Variants in PRPF8 observed in about 807,000 individuals in gnomAD.
PRPF8 encodes the protein pre-mRNA-processing-splicing factor 8.
PRPF8 carries 64 observed loss-of-function variants against 285.9 expected under a neutral mutation model. The observed-to-expected ratio is 0.22, with a 90% CI of 0.18 to 0.28. The LOEUF (loss-of-function observed/expected upper bound fraction) is 0.28, where lower values mean the gene tolerates loss of function less well. Among genes scored for constraint, PRPF8 ranks in the 10% least tolerant of loss-of-function variants. The pLI is 1.00. For missense variants in PRPF8, 1,426 were observed against 3,026.7 expected, an observed-to-expected ratio of 0.47 and a Z score of 12.41; for synonymous variants, 1,325 against 1,118.2, an observed-to-expected ratio of 1.18 and a Z score of -3.69.
At position 1,650,635 on chromosome 17, in the gene PRPF8, T is replaced by C. The variant is rs753906300; in HGVS notation, c.*167A>G. 9.0e-6 allele frequency: 7 copies of C among 779,356 alleles called. No homozygotes were observed. The highest frequency in any genetic ancestry group is 7.5e-4 in the Middle Eastern group (2 of 2,676). 48.3% of individuals were successfully genotyped at this position (779,356 alleles called of 1,614,324 possible). On this transcript the variant is annotated 3_prime_UTR_variant, in exon 43 of 43. Coordinates refer to ENST00000304992, the MANE Select transcript of PRPF8 (RefSeq NM_006445.4). The stretch of plus-strand genomic sequence containing the variant: ...AACAAACCAGCCCCTGAACTCCTAT[T>C]TATACAAAATTTATTATTATATTTT...
rs1257907080 is a variant in PRPF8, at chr17:1,659,065, G to A, written c.5138+292C>T. ...CTTTGAGATGGAGTCTCACTCTGTC[G>A]CCCAGGCTGGAGTGCAGTGGCGCAA... On this transcript the variant is annotated intron_variant, in intron 32 of 42. Transcript: ENST00000304992. This position sits in a 1 kb window ranked among gnomAD's most constrained non-coding sequence, Gnocchi z 5.1. The A allele has an allele frequency of 1.4e-5, 8 of 552,906 alleles. No homozygotes were observed. The highest frequency in any genetic ancestry group is 7.2e-5 in the South Asian group (3 of 41,830). The allele number at this position is 552,906 out of a possible 1,614,324, so 34.3% of individuals were successfully genotyped here.
At chr17:1,655,276 G>A (rs1911304227) in intron 37 of PRPF8, 74 bp downstream of exon 37, 3 of 1,557,412 alleles carry the variant, frequency 1.9e-6, no homozygotes, top group Non-Finnish European at 8.8e-7. Flanking sequence ...AAACTTCTAA[G>A]CCTAAGTGCT....
chr17:1,677,289 C>T (rs958192876), intron 14 of PRPF8, 117 bp from the exon 15 acceptor site: 5 of 1,128,412 alleles, frequency 4.4e-6, no homozygotes, highest in African/African-American at 3.0e-5. Flanking sequence ...ATTAACAAAG[C>T]GTCCCTGTGC....
rs779013234 is a variant in PRPF8 at position 1,658,867 on chromosome 17, G to A, written c.5139-104C>T. On this transcript the variant is annotated intron_variant, in intron 32 of 42. Transcript: ENST00000304992. This position sits in a 1 kb window ranked among gnomAD's most constrained non-coding sequence, Gnocchi z 4.1. ...AGGAAGAAAGACTGTTCGCCAGGCTGACAACACTCTGCTCATGTGTACATA... is the reference window on the plus strand; with the variant it reads ...AGGAAGAAAGACTGTTCGCCAGGCTAACAACACTCTGCTCATGTGTACATA... The A allele has an allele frequency of 8.1e-6, 8 of 990,342 alleles. No individual in the cohort carries two copies. Among genetic ancestry groups the A allele is most frequent in the Non-Finnish European group, 4.8e-6 (3 of 624,270 alleles). The allele number at this position is 990,342 out of a possible 1,614,324, so 61.3% of individuals were successfully genotyped here. A position where few individuals can be genotyped will look rare whatever the true frequency, so the allele number is the denominator to read the frequency against.
intron 1 of PRPF8, 83 bp from the exon 2 acceptor site, chr17:1,684,665 C>T (rs1273862152): frequency 7.8e-7 from 1 of 1,282,760 alleles, no homozygotes; most frequent in East Asian, 2.5e-5. Flanking sequence ...CCGGGGACCC[C>T]GGCCTGCAGT....
chr17:1,681,772 G>A, intron 5 of PRPF8, 48 bp downstream of exon 5: 1 of 1,610,892 alleles, frequency 6.2e-7, no homozygotes, highest in Non-Finnish European at 8.5e-7. Flanking sequence ...GACTCCTTCT[G>A]CATTTCCAGA....
At chr17:1,684,624 C>T in intron 1 of PRPF8, 42 bp from the exon 2 acceptor site, 1 of 1,587,404 alleles carries the variant, frequency 6.3e-7, no homozygotes, top group South Asian at 1.1e-5. Context: ...ACCACAGGCC[C>T]GGGCCCACAA....
Position 1,651,795 on chromosome 17 carries a change from A to T in PRPF8, c.6370-7T>A. ...CATATAGGTATCCTGCAATCTGGAG[A>T]CAAAGGGGTCAGGAACCAAAACTCT... On this transcript the variant is annotated splice_polypyrimidine_tract_variant and splice_region_variant and intron_variant, in intron 39 of 42. Transcript: ENST00000304992. This position sits in a 1 kb window ranked among gnomAD's most constrained non-coding sequence, Gnocchi z 5.1. 4 of 1,614,066 alleles carry T rather than the reference A, an allele frequency of 2.5e-6. No homozygotes were observed. The highest frequency in any genetic ancestry group is 3.4e-6 in the Non-Finnish European group (4 of 1,179,974).
chr17:1,656,380 C>G lies in PRPF8; in HGVS notation c.5793+12G>C. Reference sequence around the variant, plus strand: ...TCCTCCTCCAGCGATCTTCTCTTCCCGAGGTTCATACCGTGTAAGATGAAA... The same window carrying G: ...TCCTCCTCCAGCGATCTTCTCTTCCGGAGGTTCATACCGTGTAAGATGAAA... On this transcript the variant is annotated intron_variant, in intron 36 of 42. Coordinates refer to ENST00000304992, the MANE Select transcript of PRPF8 (RefSeq NM_006445.4). The G allele has an allele frequency of 6.2e-7, 1 of 1,614,172 alleles. No homozygotes were observed. Among genetic ancestry groups the G allele is most frequent in the Non-Finnish European group, 8.5e-7 (1 of 1,180,036 alleles).
Position 1,675,224 on chromosome 17 carries a change from C to G in PRPF8, c.2988G>C (p.Leu996=). 1.2e-6 allele frequency: 2 copies of G among 1,614,190 alleles called. No homozygotes were observed. The highest frequency in any genetic ancestry group is 1.7e-6 in the Non-Finnish European group (2 of 1,180,032). ...EKIDLTLLNR[L]LRLIVDHNIA... ...TGTTGTGGTCCACGATGAGGCGCAG[C>G]AGCCTGTTGAGCAGAGTCAAGTCGA... is the stretch of plus-strand genomic sequence containing the variant. The change falls in exon 20 of 43, where the codon CTG becomes CTC. Residue 996 remains leucine (L), a synonymous_variant. Coordinates refer to ENST00000304992, the MANE Select transcript of PRPF8 (RefSeq NM_006445.4). The surrounding 1 kb of genome is among the most constrained non-coding windows in gnomAD (Gnocchi z 6.0).
Position 1,673,971 on chromosome 17 carries a change from C to CG in PRPF8, c.3300-80dup. On this transcript the variant is annotated intron_variant, in intron 21 of 42. Transcript: ENST00000304992. The surrounding 1 kb of genome is among the most constrained non-coding windows in gnomAD (Gnocchi z 5.5). The stretch of plus-strand genomic sequence containing the variant: ...CCCACAAGTCCTCCAGCTCAATAGA[C>CG]GGAGACCCCACCCCATCCTACCCCC... 5 of 1,533,620 alleles carry CG rather than the reference C, an allele frequency of 3.3e-6. No individual in the cohort carries two copies. The highest frequency in any genetic ancestry group is 3.6e-6 in the Non-Finnish European group (4 of 1,119,484).
At position 1,651,773 on chromosome 17, in the gene PRPF8, A is replaced by G. The variant is rs1409571366; in HGVS notation, c.6385T>C (p.Tyr2129His). 1 of 1,614,008 alleles carries G rather than the reference A, an allele frequency of 6.2e-7. No individual in the cohort carries two copies. The highest frequency in any genetic ancestry group is 1.7e-5 in the Admixed American group (1 of 59,998). The change falls in exon 40 of 43, where the codon TAT becomes CAT. Residue 2129 changes from tyrosine to histidine, a missense_variant. Tyr to His is a moderately conservative substitution (Grantham distance 83). Coordinates refer to ENST00000304992, the MANE Select transcript of PRPF8 (RefSeq NM_006445.4). This position sits in a 1 kb window ranked among gnomAD's most constrained non-coding sequence, Gnocchi z 5.1. The part of the protein sequence containing the change: ...DLRAQIAGYL[Y>H]GVSPPDNPQV... The stretch of plus-strand genomic sequence containing the variant: ...GGGTTATCTGGTGGGCTCACCCCAT[A>G]TAGGTATCCTGCAATCTGGAGACAA...
intron 24 of PRPF8, among the ~76,000 whole-genome samples, chr17:1,671,175 C>T (rs1020146424): frequency 1.2e-4 from 19 of 152,318 alleles, no homozygotes; most frequent in Admixed American, 3.3e-4. Context: ...CTCTCCCTCA[C>T]CTGTCTCATC....
chr17:1,651,071 A>G lies in PRPF8; in HGVS notation c.6853+37T>C. The G allele has an allele frequency of 6.2e-7, 1 of 1,613,726 alleles. No individual in the cohort carries two copies. Among genetic ancestry groups the G allele is most frequent in the Non-Finnish European group, 8.5e-7 (1 of 1,179,634 alleles). On this transcript the variant is annotated intron_variant, in intron 42 of 42. Transcript: ENST00000304992. The surrounding 1 kb of genome is among the most constrained non-coding windows in gnomAD (Gnocchi z 5.1). The stretch of plus-strand genomic sequence containing the variant: ...AGGGCGATGGCCTCACCTTATCCCT[A>G]CTGCTATCCCCACATCCCCAGGCTC...
At chr17:1,668,979 C>T (rs1360238778) in intron 24 of PRPF8, among the ~76,000 whole-genome samples, 3 of 152,210 alleles carry the variant, frequency 2.0e-5, no homozygotes, top group Non-Finnish European at 4.4e-5. Flanking sequence ...CCTGTTATAG[C>T]TTCCCACTAA....
intron 24 of PRPF8, among the ~76,000 whole-genome samples, chr17:1,662,537 T>C (rs998934261): frequency 7.3e-5 from 11 of 150,330 alleles, no homozygotes; most frequent in African/African-American, 2.5e-4. Flanking sequence ...TGCAGTGAGC[T>C]GAGATTGTGC....
chr17:1,674,730 TTC>T, intron 20 of PRPF8, 50 bp from the exon 21 acceptor site: 2 of 1,563,810 alleles, frequency 1.3e-6, no homozygotes, highest in Non-Finnish European at 1.8e-6. Flanking sequence ...TGCCCCAGGA[TTC>T]TCCAGAGTTA....
At position 1,653,514 on chromosome 17, in the gene PRPF8, T is replaced by C. The variant is rs756780324; in HGVS notation, c.6369+28A>G. 19 of 1,614,172 alleles carry C rather than the reference T, an allele frequency of 1.2e-5. No homozygotes were observed. Among genetic ancestry groups the C allele is most frequent in the Admixed American group, 1.7e-5 (1 of 60,028 alleles). On this transcript the variant is annotated intron_variant, in intron 39 of 42. Transcript: ENST00000304992. This position sits in a 1 kb window ranked among gnomAD's most constrained non-coding sequence, Gnocchi z 4.9. ...GGCACAAAATGAGTTGGGCACACAC[T>C]GTGGCCTAGCTGAGTCCACTTACTC... is the stretch of plus-strand genomic sequence containing the variant.
In PRPF8 at chr17:1,675,302, T is replaced by C. The variant is rs1307730233; in HGVS notation, c.2910A>G (p.Glu970=). The stretch of plus-strand genomic sequence containing the variant: ...ATTCCAGCATGACATTGCACTCGCC[T>C]TCACTCGTCTCCCACACGTCCTGCA... ...NNLQDVWETS[E]GECNVMLESR... The change falls in exon 20 of 43, where the codon GAA becomes GAG. Residue 970 remains glutamate, a synonymous_variant. Transcript: ENST00000304992. The surrounding 1 kb of genome is among the most constrained non-coding windows in gnomAD (Gnocchi z 6.0). 6.2e-7 allele frequency: 1 copy of C among 1,614,208 alleles called. No individual in the cohort carries two copies.
Sources: allele counts gnomAD v4.1 joint callset (sites outside exome capture counted in the v4.1 genomes callset), GRCh38; gene constraint gnomAD v4.1.1; non-coding constraint Gnocchi (gnomAD v3.1); transcripts MANE v1.5; gene names NCBI Gene and HGNC (gene_info 2026-07-23, HGNC 2026-07-21).